MYO1F: variants seen among roughly 807,000 people sequenced by gnomAD.
MYO1F encodes the protein unconventional myosin-If.
MYO1F carries 60 observed loss-of-function variants against 146.6 expected under a neutral mutation model. That is an observed-to-expected ratio of 0.41 (90% CI 0.33 to 0.51). The LOEUF is 0.51. Among genes scored for constraint, MYO1F ranks in the 20% least tolerant of loss-of-function variants. MYO1F has a pLI of 0.25. For missense variants in MYO1F, 1,274 were observed against 1,534.3 expected (o/e 0.83, Z 2.83); for synonymous variants, 602 against 602.1 (o/e 1.00, Z 0.00).
intron 14 of MYO1F, among the ~76,000 whole-genome samples, chr19:8,543,654 C>CTGGTGGTGGTGG (rs1266851158): frequency 3.4e-5 from 3 of 87,534 alleles, no homozygotes; most frequent in African/African-American, 4.7e-5. Context: ...GGTGGTGGTG[C>CTGGTGGTGGTGG]TGGTGGTGGT....
chr19:8,548,546 ACT>A (rs1432704509), intron 10 of MYO1F, among the ~76,000 whole-genome samples: 1 of 146,080 alleles, frequency 6.8e-6, no homozygotes, highest in Non-Finnish European at 1.5e-5. Context: ...AGGGTCCCTG[ACT>A]CCAGAGCTGA....
intron 1 of MYO1F, among the ~76,000 whole-genome samples, chr19:8,561,747 C>T (rs1056744915): frequency 1.4e-5 from 2 of 147,406 alleles, no homozygotes; most frequent in African/African-American, 5.0e-5. Flanking sequence ...GATGGAGTCT[C>T]GCTCTGTTGG....
intron 14 of MYO1F, among the ~76,000 whole-genome samples, chr19:8,543,402 G>A (rs1417438444): frequency 2.0e-5 from 3 of 152,040 alleles, no homozygotes; most frequent in East Asian, 3.9e-4. Flanking sequence ...GCTCACAGGA[G>A]GGGCCTGGGG....
chr19:8,544,036 C>CGGT (rs1973218822), intron 14 of MYO1F: 2 of 270,298 alleles, frequency 7.4e-6, no homozygotes, highest in African/African-American at 6.7e-5. Context: ...GTGGCGGTGG[C>CGGT]GGTGCTGGTG....
chr19:8,547,839 G>C (rs1973432413), intron 12 of MYO1F, 197 bp downstream of exon 12: 1 of 596,530 alleles, frequency 1.7e-6, no homozygotes, highest in Non-Finnish European at 3.0e-6. Flanking sequence ...CTGAATGAAT[G>C]AACTAAGAGG....
At chr19:8,558,751 A>G (rs1333997608) in intron 1 of MYO1F, among the ~76,000 whole-genome samples, 1 of 152,102 alleles carries the variant, frequency 6.6e-6, no homozygotes, top group Non-Finnish European at 1.5e-5. Context: ...TCCCCAGGCC[A>G]GGAGCTCCTG....
chr19:8,553,255 A>G, intron 5 of MYO1F, 27 bp from the exon 6 acceptor site: 1 of 1,613,422 alleles, frequency 6.2e-7, no homozygotes, highest in South Asian at 1.1e-5. Context: ...TGGAGTGGGA[A>G]GAAGTCAGAC....
rs1013646170 is a variant in MYO1F, at chr19:8,527,079, G to C, written c.2475-144C>G. ...GGTGACCAGGTAGGAGAAAAAGGGG[G>C]ATGTGGCAAGGAGTGGAAGAGGTGG... On this transcript the variant is annotated intron_variant, in intron 22 of 27. Transcript: ENST00000644032. The C allele has an allele frequency of 6.1e-5, 72 of 1,177,088 alleles. No individual in the cohort carries two copies. The Middle Eastern group carries it at 1.2e-3, about 20-fold the overall frequency. 72.9% of individuals were successfully genotyped at this position (1,177,088 alleles called of 1,614,324 possible).
chr19:8,564,747 G>C (rs982042299), intron 1 of MYO1F, among the ~76,000 whole-genome samples: 1 of 151,466 alleles, frequency 6.6e-6, no homozygotes, highest in Non-Finnish European at 1.5e-5. Flanking sequence ...GAGAAGTGGG[G>C]TCAGGGGAGC....
chr19:8,555,213 C>CA (rs1452354321), intron 2 of MYO1F, among the ~76,000 whole-genome samples: 4 of 147,772 alleles, frequency 2.7e-5, no homozygotes, highest in Admixed American at 2.7e-4. Context: ...AAAGCAAAAA[C>CA]AAAAAAATTA....
chr19:8,550,317 C>G lies in MYO1F; in HGVS notation c.944G>C (p.Gly315Ala). Residue 315 changes from glycine to alanine, a missense_variant, in exon 10 of 28, where the codon GGG (glycine) becomes GCG (alanine). This residue lies in a region of MYO1F where 900 missense variants were observed against 1,155.1 expected (regional missense o/e 0.78). Coordinates refer to ENST00000644032, the MANE Select transcript of MYO1F (RefSeq NM_012335.4). ...FPAYLLGIDSGRLQEKLTSRK... is the reference protein window; with the variant it reads ...FPAYLLGIDSARLQEKLTSRK... ...GCTGGTCAGCTTCTCCTGCAGTCGC[C>G]CGCTGTCAATGCCCAGCAGGTAGGC... 6.2e-7 allele frequency: 1 copy of G among 1,613,776 alleles called. No individual in the cohort carries two copies. The highest frequency in any genetic ancestry group is 8.5e-7 in the Non-Finnish European group (1 of 1,179,896).
At chr19:8,528,267 G>T (rs1262261527) in intron 21 of MYO1F, among the ~76,000 whole-genome samples, 1 of 151,522 alleles carries the variant, frequency 6.6e-6, no homozygotes. Context: ...GGTGGCACAC[G>T]CCTGTAATCC....
In MYO1F at chr19:8,543,672, GTGC is replaced by G. The variant is rs1430473392; in HGVS notation, c.1524+622_1524+624del. On this transcript the variant is annotated intron_variant, in intron 14 of 27. Coordinates refer to ENST00000644032, the MANE Select transcript of MYO1F (RefSeq NM_012335.4). ...GGTGGTGCTGGTGGTGGTGGTGGTG[GTGC>G]TGGTGGTGGTGGTGGTGGTGGTGGT... Among the ~76,000 whole-genome samples, 322 of 61,800 alleles carry G rather than the reference GTGC, an allele frequency of 5.2e-3. 7 individuals are homozygous for G. The highest frequency in any genetic ancestry group is 7.4e-3 in the Non-Finnish European group (223 of 30,132). The allele number at this position is 61,800 out of a possible 152,430, so 40.5% of individuals were successfully genotyped here. A position where few individuals can be genotyped will look rare whatever the true frequency, so the allele number is the denominator to read the frequency against.
intron 25 of MYO1F, among the ~76,000 whole-genome samples, chr19:8,524,118 CAAAAAAAAA>C: frequency 2.2e-5 from 1 of 46,012 alleles, no homozygotes; most frequent in East Asian, 6.9e-4. Context: ...GACACCGTCT[CAAAAAAAAA>C]AAAAAAAAAA....
intron 19 of MYO1F, among the ~76,000 whole-genome samples, chr19:8,532,931 C>T (rs1488998659): frequency 6.6e-6 from 1 of 150,872 alleles, no homozygotes; most frequent in East Asian, 1.9e-4. Flanking sequence ...CACACACACA[C>T]ACACACACAC....
chr19:8,558,851 C>A (rs1223366249), intron 1 of MYO1F, among the ~76,000 whole-genome samples: 2 of 152,050 alleles, frequency 1.3e-5, no homozygotes, highest in Non-Finnish European at 1.5e-5. Context: ...CAAAAACCAC[C>A]AGAGCAAACA....
intron 1 of MYO1F, among the ~76,000 whole-genome samples, chr19:8,575,146 G>A (rs1375209248): frequency 6.8e-6 from 1 of 146,684 alleles, no homozygotes; most frequent in Non-Finnish European, 1.5e-5. Flanking sequence ...GTGTGATCTT[G>A]GCTCACTGCA....
intron 16 of MYO1F, among the ~76,000 whole-genome samples, chr19:8,538,673 G>A (rs1015607481): frequency 1.4e-5 from 2 of 146,010 alleles, no homozygotes; most frequent in South Asian, 2.2e-4. Flanking sequence ...CTGCAGCCTC[G>A]ACCTCCTGGG....
At position 8,530,223 on chromosome 19, in the gene MYO1F, C is replaced by T. The variant is rs1308658528; in HGVS notation, c.2301G>A (p.Ser767=). Residue 767 remains serine (S), a synonymous_variant, in exon 21 of 28, where the codon TCG becomes TCA. Transcript: ENST00000644032. This position sits in a 1 kb window ranked among gnomAD's most constrained non-coding sequence, Gnocchi z 5.8. The stretch of plus-strand genomic sequence containing the variant: ...TGAAGCGGCGGTCGTACTTGGTGAC[C>T]GAATCGGCGAAGTCCACCCGCTCCC... ...GKRERVDFAD[S]VTKYDRRFKP... is the part of the protein sequence containing the mutation. 3 of 1,614,036 alleles carry T rather than the reference C, an allele frequency of 1.9e-6. No homozygotes were observed. The highest frequency in any genetic ancestry group is 2.5e-6 in the Non-Finnish European group (3 of 1,179,994).
Sources: gnomAD v4.1 joint callset for allele counts (sites outside exome capture counted in the v4.1 genomes callset) on GRCh38, gnomAD v4.1.1 for gene constraint, gnomAD v4.1.1 regional missense constraint, Gnocchi (gnomAD v3.1) non-coding constraint, MANE v1.5 for transcripts, NCBI Gene and HGNC (gene_info 2026-07-23, HGNC 2026-07-21) for gene names.